The following KIAA2012 variants were observed in gnomAD, a reference collection of about 807,000 sequenced individuals.
KIAA2012 encodes KIAA2012, also known as uncharacterized protein KIAA2012.
In KIAA2012, 125 loss-of-function variants were observed where a neutral mutation model predicts 150.6. The ratio of observed to expected loss-of-function variants is 0.83; its 90% CI spans 0.72 to 0.96. The LOEUF (loss-of-function observed/expected upper bound fraction) is 0.96, where lower values mean the gene tolerates loss of function less well. KIAA2012 is among the 40% of genes least tolerant of loss of function. KIAA2012 has a pLI of 0.00. For synonymous variants in KIAA2012, 462 were observed against 504.7 expected, an observed-to-expected ratio of 0.92 and a Z score of 1.13; for missense variants, 1,219 against 1,354.9, an observed-to-expected ratio of 0.90 and a Z score of 1.57.
chr2:202,106,160 C>T, intron 9 of KIAA2012: 1 of 1,069,300 alleles, frequency 9.4e-7, no homozygotes, highest in South Asian at 1.6e-5. Context: ...TAACAGTGTC[C>T]AGCTCACCAG....
At chr2:202,177,292 A>G (rs1383986614) in intron 15 of KIAA2012, among the ~76,000 whole-genome samples, 3 of 152,214 alleles carry the variant, frequency 2.0e-5, no homozygotes, top group Non-Finnish European at 4.4e-5. Flanking sequence ...ATACAGATAT[A>G]AAAATATATA....
At chr2:202,121,367 T>G (rs1288403077) in intron 11 of KIAA2012, among the ~76,000 whole-genome samples, 1 of 152,252 alleles carries the variant, frequency 6.6e-6, no homozygotes, top group African/African-American at 2.4e-5. Flanking sequence ...CACATTACTT[T>G]GTGAAAATCA....
At chr2:202,143,520 C>G (rs1387034096) in intron 13 of KIAA2012, among the ~76,000 whole-genome samples, 2 of 147,618 alleles carry the variant, frequency 1.4e-5, no homozygotes, top group Non-Finnish European at 3.0e-5. Flanking sequence ...AACTTGAAAT[C>G]GAGGTGGATT....
chr2:202,173,897 G>A (rs1481840113), intron 15 of KIAA2012, among the ~76,000 whole-genome samples: 2 of 152,168 alleles, frequency 1.3e-5, no homozygotes, highest in African/African-American at 2.4e-5. Context: ...TTTTGACAAA[G>A]AGTATCCATG....
chr2:202,127,224 C>T (rs1690815451), intron 12 of KIAA2012, among the ~76,000 whole-genome samples: 1 of 152,180 alleles, frequency 6.6e-6, no homozygotes, highest in African/African-American at 2.4e-5. Flanking sequence ...TCTAATAGCA[C>T]CTAAAATGTT....
chr2:202,190,691 C>T lies in KIAA2012; in HGVS notation c.2811+198C>T, dbSNP rs904379141. Among the ~76,000 whole-genome samples the T allele has an allele frequency of 1.5e-4, 23 of 152,270 alleles. 1 individual carries two copies. The Middle Eastern group carries it at 0.01, about 68-fold the overall frequency. On this transcript the variant is annotated intron_variant, in intron 19 of 23. Coordinates refer to ENST00000498697, the MANE Select transcript of KIAA2012 (RefSeq NM_001277372.4). ...ATCAAAGATGCAGGGGTAGCAAAGCCCCTCTGAAGTGGTGATGCATTCTGT... is the reference window on the plus strand; with the variant it reads ...ATCAAAGATGCAGGGGTAGCAAAGCTCCTCTGAAGTGGTGATGCATTCTGT...
chr2:202,167,014 A>T (rs971356347), intron 15 of KIAA2012, among the ~76,000 whole-genome samples: 11 of 152,074 alleles, frequency 7.2e-5, no homozygotes, highest in Non-Finnish European at 1.6e-4. Context: ...CTACTAAAAA[A>T]TACAAAAAAT....
chr2:202,191,713 T>C (rs1458416773), intron 19 of KIAA2012, among the ~76,000 whole-genome samples: 1 of 152,246 alleles, frequency 6.6e-6, no homozygotes. Context: ...GGTACTGAAC[T>C]TCATTTTGAC....
chr2:202,190,386 C>T lies in KIAA2012; in HGVS notation c.2704C>T (p.Gln902Ter). The T allele has an allele frequency of 1.3e-6, 2 of 1,550,602 alleles. No individual in the cohort carries two copies. The highest frequency in any genetic ancestry group is 1.7e-6 in the Non-Finnish European group (2 of 1,146,970). Residue 902 changes from glutamine to a stop codon, truncating the protein, a stop_gained, in exon 19 of 24, where the codon CAG becomes TAG. Transcript: ENST00000498697. LOFTEE classifies it high-confidence loss of function. ...TTGGCTTTCTCCCAAATATGATGCC[C>T]AGGAAAGCCAAGTTTCTCTAGATGG... The part of the protein sequence containing the change: ...DPWLSPKYDA[Q>*]ESQVSLDGRS...
At position 202,186,948 on chromosome 2, in the gene KIAA2012, T is replaced by A. The variant is rs1409939731; in HGVS notation, c.2226T>A (p.Asp742Glu). The A allele has an allele frequency of 2.6e-6, 4 of 1,550,426 alleles. No homozygotes were observed. Among genetic ancestry groups the A allele is most frequent in the Non-Finnish European group, 3.5e-6 (4 of 1,146,986 alleles). The change falls in exon 17 of 24, where the codon GAT becomes GAA. Residue 742 changes from aspartate (D) to glutamate (E), a missense_variant. By Grantham distance (45) the Asp-to-Glu change is conservative. Transcript: ENST00000498697. Reference protein sequence around the residue: ...DIVQKVGRDYDVHHLHRGLLG... With the variant: ...DIVQKVGRDYEVHHLHRGLLG... ...CTTTTCAAAGGGGCAGAGATTATGA[T>A]GTACACCACCTACACAGAGGACTTC...
At position 202,172,254 on chromosome 2, in the gene KIAA2012, CAA is replaced by C. The variant is rs888262912; in HGVS notation, c.2119+6900_2119+6901del. Among the ~76,000 whole-genome samples the C allele has an allele frequency of 5.3e-5, 8 of 152,316 alleles. No individual in the cohort carries two copies. The East Asian group carries it at 1.5e-3, about 29-fold the overall frequency. ...TTCCACAGATGAGGAAAATGAGGCT[CAA>C]AGAGGTTAGGTAACTTGCCCAAGGG... On this transcript the variant is annotated intron_variant, in intron 15 of 23. Transcript: ENST00000498697.
At chr2:202,196,296 G>A (rs975381926) in intron 21 of KIAA2012, among the ~76,000 whole-genome samples, 1 of 140,792 alleles carries the variant, frequency 7.1e-6, no homozygotes, top group African/African-American at 2.6e-5. Flanking sequence ...CCAGGTTCAC[G>A]CCATTCTCCT....
At chr2:202,122,952 G>T (rs779166546) in intron 11 of KIAA2012, among the ~76,000 whole-genome samples, 13 of 152,268 alleles carry the variant, frequency 8.5e-5, no homozygotes, top group Non-Finnish European at 1.5e-4. Context: ...CAGGGCCACC[G>T]CTCTGGCAGC....
intron 11 of KIAA2012, 90 bp downstream of exon 11, chr2:202,113,536 G>A (rs1345310846): frequency 2.2e-5 from 19 of 846,958 alleles, no homozygotes; most frequent in East Asian, 5.4e-5. Flanking sequence ...CAGCAGCAGC[G>A]ACATCATTAA....
chr2:202,095,977 G>C (rs866818146), intron 4 of KIAA2012, among the ~76,000 whole-genome samples: 1 of 152,064 alleles, frequency 6.6e-6, no homozygotes, highest in Non-Finnish European at 1.5e-5. Flanking sequence ...CCAGCTACTC[G>C]GGAGGCTGAG....
chr2:202,127,212 T>G (rs1690815131), intron 12 of KIAA2012, among the ~76,000 whole-genome samples: 1 of 152,224 alleles, frequency 6.6e-6, no homozygotes, highest in Non-Finnish European at 1.5e-5. Flanking sequence ...CAAAATATTC[T>G]TTCTAATAGC....
intron 10 of KIAA2012, among the ~76,000 whole-genome samples, chr2:202,110,986 G>A (rs946599337): frequency 5.3e-5 from 8 of 152,066 alleles, no homozygotes; most frequent in Non-Finnish European, 1.2e-4. Context: ...CCTAGAAACC[G>A]TTCCAGGGTT....
At chr2:202,147,647 AT>A (rs963915866) in intron 13 of KIAA2012, among the ~76,000 whole-genome samples, 78 of 151,372 alleles carry the variant, frequency 5.2e-4, no homozygotes, top group African/African-American at 1.7e-3. Context: ...TCAAAACACC[AT>A]TTTTTTTTCC....
intron 10 of KIAA2012, among the ~76,000 whole-genome samples, chr2:202,111,340 CA>C (rs67625607): frequency 0.046 from 3,878 of 83,824 alleles, 69 homozygotes; most frequent in Middle Eastern, 0.099. Flanking sequence ...ACTAAAAATA[CA>C]AAAAAAAAAA....
Sources: allele counts gnomAD v4.1 joint callset (sites outside exome capture counted in the v4.1 genomes callset), GRCh38; gene constraint gnomAD v4.1.1; transcripts MANE v1.5; gene names NCBI Gene and HGNC (gene_info 2026-07-23, HGNC 2026-07-21).